Variants in NPR3 observed in about 807,000 individuals in gnomAD.
NPR3 encodes the protein natriuretic peptide receptor 3.
In NPR3, 34 loss-of-function variants were observed where a neutral mutation model predicts 54.5. That is an observed-to-expected ratio of 0.62 (90% confidence interval 0.47 to 0.83). The LOEUF (loss-of-function observed/expected upper bound fraction) is 0.83. Among genes scored for constraint, NPR3 ranks in the 40% least tolerant of loss-of-function variants. NPR3 has a pLI of 0.00. For synonymous variants in NPR3, 289 were observed against 297.1 expected, an observed-to-expected ratio of 0.97 and a Z score of 0.28; for missense variants, 674 against 720.8, an observed-to-expected ratio of 0.94 and a Z score of 0.74.
chr5:32,731,113 T>A (rs900159834), intron 2 of NPR3, among the ~76,000 whole-genome samples: 1 of 152,224 alleles, frequency 6.6e-6, no homozygotes. Flanking sequence ...CATTGCATAA[T>A]ACCAGTGCGT....
intron 1 of NPR3, among the ~76,000 whole-genome samples, chr5:32,723,047 A>G (rs959137130): frequency 3.3e-5 from 5 of 152,182 alleles, no homozygotes; most frequent in African/African-American, 4.8e-5. Flanking sequence ...CTAAATATCA[A>G]CAAGAACCCA....
At chr5:32,749,577 AATATCTG>A (rs1169322197) in intron 3 of NPR3, among the ~76,000 whole-genome samples, 1 of 152,178 alleles carries the variant, frequency 6.6e-6, no homozygotes, top group African/African-American at 2.4e-5. Context: ...CCCAAATATG[AATATCTG>A]GAAGTTGCTT....
chr5:32,778,155 T>G (rs897592452), intron 4 of NPR3, among the ~76,000 whole-genome samples: 1 of 152,076 alleles, frequency 6.6e-6, no homozygotes, highest in African/African-American at 2.4e-5. Flanking sequence ...TCTTGATGTC[T>G]CTATTCTAGG....
chr5:32,783,029 G>A lies in NPR3; in HGVS notation c.1426+1G>A, dbSNP rs772115361. 1.3e-6 allele frequency: 2 copies of A among 1,596,944 alleles called. No homozygotes were observed. The highest frequency in any genetic ancestry group is 1.7e-4 in the Middle Eastern group (1 of 6,052). On this transcript the variant is annotated splice_donor_variant, in intron 6 of 7. Coordinates refer to ENST00000265074, the MANE Select transcript of NPR3 (RefSeq NM_001204375.2). LOFTEE classifies it high-confidence loss of function. ...ACAAACAGCTCTCCCTGCAAATCAT[G>A]TAAGTCTGGAGACTTAATTTGCTAT...
At chr5:32,759,849 T>C (rs1741060904) in intron 3 of NPR3, among the ~76,000 whole-genome samples, 2 of 152,194 alleles carry the variant, frequency 1.3e-5, no homozygotes, top group Admixed American at 1.3e-4. Context: ...GTATTTTATT[T>C]CTCCTTCACT....
intron 4 of NPR3, among the ~76,000 whole-genome samples, chr5:32,779,112 C>T (rs1043318675): frequency 6.6e-6 from 1 of 152,176 alleles, no homozygotes; most frequent in Non-Finnish European, 1.5e-5. Flanking sequence ...CAAACCACAA[C>T]CCAAAGGACA....
At chr5:32,695,886 T>C (rs1230984599) in intron 1 of NPR3, among the ~76,000 whole-genome samples, 2 of 152,236 alleles carry the variant, frequency 1.3e-5, no homozygotes, top group Non-Finnish European at 2.9e-5. Flanking sequence ...TATTTTCCTA[T>C]AGAGTTGTTT....
chr5:32,786,088 C>T, intron 7 of NPR3, 146 bp from the exon 8 acceptor site: 1 of 583,906 alleles, frequency 1.7e-6, no homozygotes, highest in East Asian at 3.1e-5. Context: ...GGGCACACTA[C>T]TTTAATCTCT....
upstream of NPR3, chr5:32,710,447 C>T: frequency 2.5e-6 from 1 of 404,382 alleles, no homozygotes; most frequent in Non-Finnish European, 4.2e-6. Flanking sequence ...GTGACACCTC[C>T]AGAAGTTGAA....
chr5:32,712,605 C>T (rs1053580688), intron 1 of NPR3, 60 bp downstream of exon 1: 2 of 1,457,492 alleles, frequency 1.4e-6, no homozygotes, highest in Non-Finnish European at 1.8e-6. Flanking sequence ...GCGGCTCTCC[C>T]TGCACACTCG....
intron 2 of NPR3, among the ~76,000 whole-genome samples, chr5:32,737,454 A>G (rs1739808876): frequency 6.6e-6 from 1 of 152,200 alleles, no homozygotes. Context: ...GGAAGAGTAG[A>G]GTGAGTGCCA....
chr5:32,756,911 T>A (rs187755646), intron 3 of NPR3, among the ~76,000 whole-genome samples: 1 of 152,356 alleles, frequency 6.6e-6, no homozygotes, highest in East Asian at 1.9e-4. Context: ...ATCAGATGGC[T>A]GTAGATATGT....
chr5:32,698,447 C>A (rs1740586634), intron 1 of NPR3, among the ~76,000 whole-genome samples: 1 of 151,852 alleles, frequency 6.6e-6, no homozygotes, highest in Non-Finnish European at 1.5e-5. Context: ...AATGAGTATT[C>A]TGCAGCCATT....
intron 3 of NPR3, among the ~76,000 whole-genome samples, chr5:32,763,918 T>C (rs905915364): frequency 5.9e-5 from 9 of 152,210 alleles, no homozygotes; most frequent in African/African-American, 2.2e-4. Context: ...GGTTTTGGTC[T>C]TTCTTAGGGT....
At chr5:32,771,291 GCT>G (rs1197017355) in intron 3 of NPR3, among the ~76,000 whole-genome samples, 11 of 152,130 alleles carry the variant, frequency 7.2e-5, no homozygotes, top group Non-Finnish European at 8.8e-5. Context: ...CAGCTCTCCT[GCT>G]AATTTTGGCA....
intron 2 of NPR3, among the ~76,000 whole-genome samples, chr5:32,730,824 A>T (rs1249668571): frequency 6.6e-6 from 1 of 152,222 alleles, no homozygotes; most frequent in African/African-American, 2.4e-5. Flanking sequence ...AAATAAAAAA[A>T]TCTGTATTAA....
At chr5:32,714,164 C>T (rs1421811) in intron 1 of NPR3, among the ~76,000 whole-genome samples, 2 of 151,784 alleles carry the variant, frequency 1.3e-5, no homozygotes, top group East Asian at 2.0e-4. Context: ...TTCCCAAGGC[C>T]GGCTGGGACT....
intron 1 of NPR3, among the ~76,000 whole-genome samples, chr5:32,723,679 G>GT (rs956424147): frequency 3.3e-5 from 5 of 151,934 alleles, no homozygotes; most frequent in Non-Finnish European, 7.4e-5. Context: ...ATTTGATGCA[G>GT]TTTTTTTTAA....
At chr5:32,702,381 G>T (rs1160978895) in intron 1 of NPR3, among the ~76,000 whole-genome samples, 1 of 151,484 alleles carries the variant, frequency 6.6e-6, no homozygotes, top group East Asian at 1.9e-4. Context: ...TTAGCAGTAG[G>T]TATATCTCCT....
Sources: gnomAD v4.1 joint callset for allele counts (sites outside exome capture counted in the v4.1 genomes callset) on GRCh38, gnomAD v4.1.1 for gene constraint, MANE v1.5 for transcripts, NCBI Gene and HGNC (gene_info 2026-07-23, HGNC 2026-07-21) for gene names.